MOB3B: variants seen among roughly 807,000 people sequenced by gnomAD.
MOB3B encodes the protein MOB kinase activator 3B, also known as MOB kinase activator-like 2B.
In MOB3B, 7 loss-of-function variants were observed where a neutral mutation model predicts 18.7. That is an observed-to-expected ratio of 0.37 (90% CI 0.21 to 0.70). MOB3B has a LOEUF of 0.70. Among genes scored for constraint, MOB3B ranks in the 30% least tolerant of loss-of-function variants. The pLI is 0.52. For synonymous variants in MOB3B, 111 were observed against 99.9 expected, an observed-to-expected ratio of 1.11 and a Z score of -0.66; for missense variants, 253 against 281.3, an observed-to-expected ratio of 0.90 and a Z score of 0.72.
At chr9:27,367,876 T>C (rs888786815) in intron 2 of MOB3B, among the ~76,000 whole-genome samples, 19 of 152,206 alleles carry the variant, frequency 1.2e-4, no homozygotes, top group Admixed American at 3.3e-4. Flanking sequence ...AAACCTGATT[T>C]CCTGGCCAAT....
At chr9:27,392,611 T>C (rs938874896) in intron 2 of MOB3B, among the ~76,000 whole-genome samples, 4 of 152,176 alleles carry the variant, frequency 2.6e-5, no homozygotes, top group African/African-American at 9.6e-5. Flanking sequence ...ATCCTTTACA[T>C]GAACAACTGT....
intron 1 of MOB3B, among the ~76,000 whole-genome samples, chr9:27,500,474 C>G (rs772912165): frequency 2.6e-5 from 4 of 152,046 alleles, no homozygotes; most frequent in Non-Finnish European, 4.4e-5. Flanking sequence ...CTTTGACAAA[C>G]CTGACAAAAA....
chr9:27,494,219 G>A (rs930572870), intron 1 of MOB3B, among the ~76,000 whole-genome samples: 8 of 152,258 alleles, frequency 5.3e-5, no homozygotes, highest in African/African-American at 1.4e-4. Context: ...AATGGTGCCC[G>A]AAACTTCATT....
intron 3 of MOB3B, among the ~76,000 whole-genome samples, chr9:27,341,720 T>C (rs1280256735): frequency 1.3e-5 from 2 of 152,200 alleles, no homozygotes; most frequent in Non-Finnish European, 2.9e-5. Context: ...CTCAGGTCTA[T>C]GGGGTGGCCA....
chr9:27,333,661 T>C (rs1820821187), intron 3 of MOB3B, among the ~76,000 whole-genome samples: 1 of 152,226 alleles, frequency 6.6e-6, no homozygotes, highest in South Asian at 2.1e-4. Context: ...ATGAAGATTT[T>C]CAAAAACACC....
intron 1 of MOB3B, among the ~76,000 whole-genome samples, chr9:27,482,441 G>A (rs1054547620): frequency 1.3e-5 from 2 of 152,212 alleles, no homozygotes; most frequent in South Asian, 2.1e-4. Context: ...GTGCCTAAAA[G>A]AATGGAGAGG....
At chr9:27,382,670 A>T (rs12353404) in intron 2 of MOB3B, among the ~76,000 whole-genome samples, 57,549 of 151,626 alleles carry the variant, frequency 0.38, 12,048 homozygotes, top group Non-Finnish European at 0.48. Context: ...ATAAATGTGA[A>T]CTTGCAGTAA....
intron 2 of MOB3B, among the ~76,000 whole-genome samples, chr9:27,387,983 T>A (rs1477245072): frequency 2.6e-5 from 4 of 152,148 alleles, no homozygotes; most frequent in African/African-American, 9.7e-5. Flanking sequence ...AAGGCATTTT[T>A]GCTTGTCATA....
intron 1 of MOB3B, among the ~76,000 whole-genome samples, chr9:27,466,748 G>A (rs369061831): frequency 1.6e-3 from 243 of 152,254 alleles, no homozygotes; most frequent in African/African-American, 5.0e-3. Context: ...ATCAGATCTC[G>A]TGAGACTTAT....
At chr9:27,468,636 G>T (rs1819424456) in intron 1 of MOB3B, among the ~76,000 whole-genome samples, 1 of 152,116 alleles carries the variant, frequency 6.6e-6, no homozygotes, top group Admixed American at 6.5e-5. Context: ...ATGAGGGTTG[G>T]GAGCACACCC....
chr9:27,468,121 T>A (rs1417870075), intron 1 of MOB3B, among the ~76,000 whole-genome samples: 2 of 152,190 alleles, frequency 1.3e-5, no homozygotes, highest in Non-Finnish European at 2.9e-5. Flanking sequence ...AGAAAGTCTG[T>A]CTACACACCA....
At chr9:27,526,801 A>G (rs1820443801) in intron 1 of MOB3B, among the ~76,000 whole-genome samples, 1 of 152,264 alleles carries the variant, frequency 6.6e-6, no homozygotes, top group African/African-American at 2.4e-5. Flanking sequence ...TGATTTTTAA[A>G]TGCAAAATAA....
intron 1 of MOB3B, among the ~76,000 whole-genome samples, chr9:27,523,165 A>G (rs1284287355): frequency 6.6e-6 from 1 of 152,148 alleles, no homozygotes; most frequent in African/African-American, 2.4e-5. Context: ...TTTTAAAATG[A>G]CAATCCATTT....
intron 2 of MOB3B, among the ~76,000 whole-genome samples, chr9:27,447,589 C>A (rs973691636): frequency 6.6e-6 from 1 of 152,192 alleles, no homozygotes; most frequent in Admixed American, 6.5e-5. Context: ...AGGTAATTAG[C>A]TGTAACTTAC....
intron 2 of MOB3B, among the ~76,000 whole-genome samples, chr9:27,362,616 A>G (rs1333004344): frequency 6.6e-6 from 1 of 152,108 alleles, no homozygotes; most frequent in Non-Finnish European, 1.5e-5. Context: ...CAAACGGTTC[A>G]AGTTGAGACA....
chr9:27,374,094 T>C (rs10120627), intron 2 of MOB3B, among the ~76,000 whole-genome samples: 86,653 of 152,186 alleles, frequency 0.57, 25,264 homozygotes, highest in African/African-American at 0.68. Flanking sequence ...CTTTTTCTGT[T>C]GATAAATGTT....
intron 2 of MOB3B, among the ~76,000 whole-genome samples, chr9:27,418,393 T>G (rs1335106856): frequency 6.6e-6 from 1 of 151,730 alleles, no homozygotes; most frequent in East Asian, 1.9e-4. Flanking sequence ...AAAAGAAAAC[T>G]ACAGACCAAT....
chr9:27,449,988 A>G (rs1822758784), intron 2 of MOB3B, among the ~76,000 whole-genome samples: 1 of 151,858 alleles, frequency 6.6e-6, no homozygotes, highest in African/African-American at 2.4e-5. Flanking sequence ...AAAAATTAAA[A>G]AAAAAAAAAA....
intron 2 of MOB3B, among the ~76,000 whole-genome samples, chr9:27,431,208 A>T (rs1822412349): frequency 6.6e-6 from 1 of 152,220 alleles, no homozygotes. Flanking sequence ...ATTTAAAAAT[A>T]AATAAACCTC....
Sources: allele counts gnomAD v4.1 joint callset (sites outside exome capture counted in the v4.1 genomes callset), GRCh38; gene constraint gnomAD v4.1.1; transcripts MANE v1.5; gene names NCBI Gene and HGNC (gene_info 2026-07-23, HGNC 2026-07-21).